MSH4: variants seen among roughly 807,000 people sequenced by gnomAD.
The protein encoded by MSH4 is mutS protein homolog 4.
MSH4 carries 106 observed loss-of-function variants against 113.7 expected under a neutral mutation model. The ratio of observed to expected loss-of-function variants is 0.93; its 90% confidence interval spans 0.80 to 1.10. MSH4 has a LOEUF of 1.10. Ranked by LOEUF, MSH4 falls within the 50% of genes least tolerant of loss-of-function variation. The probability of loss-of-function intolerance (pLI) is 0.00; values close to 1 mark genes in which losing one functional copy is unlikely to be tolerated. For missense variants in MSH4, 1,061 were observed against 1,093.7 expected (o/e 0.97, Z 0.42); for synonymous variants, 368 against 380.2 (o/e 0.97, Z 0.37).
At chr1:75,830,954 G>T (rs1422552476) in intron 7 of MSH4, among the ~76,000 whole-genome samples, 3 of 152,148 alleles carry the variant, frequency 2.0e-5, no homozygotes, top group Non-Finnish European at 4.4e-5. Flanking sequence ...AACCTTAAAT[G>T]TAAATGGGCT....
chr1:75,895,018 A>G (rs964608481), intron 17 of MSH4, among the ~76,000 whole-genome samples: 1 of 152,122 alleles, frequency 6.6e-6, no homozygotes, highest in Non-Finnish European at 1.5e-5. Context: ...CTCAAGGGCA[A>G]AATATCTGCT....
At chr1:75,907,684 C>CTCTCTCTATATATATATATA (rs1307238647) in intron 19 of MSH4, among the ~76,000 whole-genome samples, 5 of 46,562 alleles carry the variant, frequency 1.1e-4, no homozygotes, top group South Asian at 7.5e-4. Flanking sequence ...CTCTCTCTCT[C>CTCTCTCTATATATATATATA]TATACATATA....
intron 3 of MSH4, among the ~76,000 whole-genome samples, chr1:75,809,360 A>T (rs978573111): frequency 1.3e-5 from 2 of 152,082 alleles, no homozygotes; most frequent in African/African-American, 2.4e-5. Flanking sequence ...ATTATACCTA[A>T]CAACCTTAAT....
chr1:75,823,418 C>T (rs749730536), intron 7 of MSH4, among the ~76,000 whole-genome samples: 1 of 152,138 alleles, frequency 6.6e-6, no homozygotes, highest in Non-Finnish European at 1.5e-5. Context: ...CTGGAGAACT[C>T]ACCCTAACAC....
At chr1:75,861,977 AC>A (rs1182353226) in intron 8 of MSH4, among the ~76,000 whole-genome samples, 2 of 151,744 alleles carry the variant, frequency 1.3e-5, no homozygotes, top group Admixed American at 1.3e-4. Flanking sequence ...AGAACCACCT[AC>A]TCAAGCCTCA....
At chr1:75,811,769 T>C (rs529248671) in intron 4 of MSH4, among the ~76,000 whole-genome samples, 21 of 152,340 alleles carry the variant, frequency 1.4e-4, no homozygotes, top group Admixed American at 1.1e-3. Flanking sequence ...TATTTTGTTA[T>C]GTTTTTAGAC....
At chr1:75,839,412 A>G (rs1650903516) in intron 7 of MSH4, among the ~76,000 whole-genome samples, 3 of 152,118 alleles carry the variant, frequency 2.0e-5, no homozygotes, top group South Asian at 4.1e-4. Flanking sequence ...ATGGCGTTTC[A>G]CCATGTTGGC....
At chr1:75,835,833 A>G (rs577172998) in intron 7 of MSH4, among the ~76,000 whole-genome samples, 16 of 152,264 alleles carry the variant, frequency 1.1e-4, no homozygotes, top group African/African-American at 2.6e-4. Flanking sequence ...ATGTGCTGCA[A>G]TCTTATTTCT....
At chr1:75,805,679 G>A (rs754865655) in intron 2 of MSH4, among the ~76,000 whole-genome samples, 5 of 151,996 alleles carry the variant, frequency 3.3e-5, no homozygotes, top group Non-Finnish European at 5.9e-5. Context: ...GAGCCACTGC[G>A]CCTGGCCAAA....
At chr1:75,803,600 A>G in intron 1 of MSH4, 131 bp from the exon 2 acceptor site, 2 of 622,988 alleles carry the variant, frequency 3.2e-6, no homozygotes, top group South Asian at 7.5e-5. Flanking sequence ...CTGGGCGACA[A>G]GAGCAAGACT....
At chr1:75,817,175 A>G (rs1421241662) in intron 6 of MSH4, among the ~76,000 whole-genome samples, 1 of 152,230 alleles carries the variant, frequency 6.6e-6, no homozygotes, top group Non-Finnish European at 1.5e-5. Flanking sequence ...TTTTAAAAAG[A>G]TATTTGTACT....
At chr1:75,808,374 C>T (rs1650114916) in intron 3 of MSH4, among the ~76,000 whole-genome samples, 1 of 152,152 alleles carries the variant, frequency 6.6e-6, no homozygotes, top group African/African-American at 2.4e-5. Context: ...CATTAGTACA[C>T]TTAAGTGTTC....
intron 7 of MSH4, among the ~76,000 whole-genome samples, chr1:75,843,065 C>A (rs1650996440): frequency 6.6e-6 from 1 of 152,276 alleles, no homozygotes; most frequent in East Asian, 1.9e-4. Flanking sequence ...ATGGCATAAG[C>A]TGTCCTTCTC....
intron 7 of MSH4, among the ~76,000 whole-genome samples, chr1:75,825,997 G>T (rs1195460035): frequency 6.6e-6 from 1 of 152,068 alleles, no homozygotes; most frequent in Non-Finnish European, 1.5e-5. Flanking sequence ...TTAGAGAGGA[G>T]TCCCTCTTAT....
chr1:75,825,219 G>A (rs770695532), intron 7 of MSH4, among the ~76,000 whole-genome samples: 3 of 151,794 alleles, frequency 2.0e-5, no homozygotes, highest in Non-Finnish European at 2.9e-5. Context: ...TATTTTCTTC[G>A]TAGCGGTTGT....
chr1:75,842,861 C>T (rs957516825), intron 7 of MSH4, among the ~76,000 whole-genome samples: 5 of 152,182 alleles, frequency 3.3e-5, no homozygotes, highest in Non-Finnish European at 5.9e-5. Flanking sequence ...ACTCCTCCAC[C>T]TCTTGTGGAG....
chr1:75,801,699 C>A (rs887439118), intron 1 of MSH4, among the ~76,000 whole-genome samples: 1 of 150,782 alleles, frequency 6.6e-6, no homozygotes, highest in East Asian at 2.0e-4. Flanking sequence ...TGTAGCAAGA[C>A]CCTGTCTCTA....
chr1:75,833,324 T>C (rs1411794876), intron 7 of MSH4, among the ~76,000 whole-genome samples: 2 of 152,166 alleles, frequency 1.3e-5, no homozygotes, highest in African/African-American at 2.4e-5. Context: ...TGCTCATGGA[T>C]AGGAAGAATC....
At chr1:75,896,787 G>T (rs1411337315) in intron 17 of MSH4, among the ~76,000 whole-genome samples, 2 of 152,058 alleles carry the variant, frequency 1.3e-5, no homozygotes, top group Admixed American at 6.6e-5. Flanking sequence ...AGTCTACAAA[G>T]TTCCTCTAAT....
Sources: gnomAD v4.1 joint callset for allele counts (sites outside exome capture counted in the v4.1 genomes callset) on GRCh38, gnomAD v4.1.1 for gene constraint, MANE v1.5 for transcripts, NCBI Gene and HGNC (gene_info 2026-07-23, HGNC 2026-07-21) for gene names.